The following NBAS variants were observed in gnomAD, a reference collection of about 807,000 sequenced individuals.
NBAS encodes NBAS subunit of NRZ tethering complex.
In NBAS, 219 loss-of-function variants were observed where a neutral mutation model predicts 302.5. That is an observed-to-expected ratio of 0.72 (90% CI 0.65 to 0.81). The LOEUF is 0.81. Among genes scored for constraint, NBAS ranks in the 30% least tolerant of loss-of-function variants. The probability of loss-of-function intolerance (pLI) is 0.00; values close to 1 mark genes in which losing one functional copy is unlikely to be tolerated. For missense variants in NBAS, 2,932 were observed against 2,841.6 expected (o/e 1.03, Z -0.72); for synonymous variants, 1,118 against 1,021.6 (o/e 1.09, Z -1.80).
intron 33 of NBAS, among the ~76,000 whole-genome samples, chr2:15,353,969 A>G (rs1386706744): frequency 6.6e-6 from 1 of 152,212 alleles, no homozygotes; most frequent in Non-Finnish European, 1.5e-5. Context: ...TTAACTGACA[A>G]TAAATGCAAA....
intron 48 of NBAS, among the ~76,000 whole-genome samples, chr2:15,195,105 T>G (rs1665556705): frequency 6.6e-6 from 1 of 152,164 alleles, no homozygotes; most frequent in Non-Finnish European, 1.5e-5. Context: ...TTATAATAGC[T>G]CCAAAGAAAA....
At chr2:14,835,343 G>C in the NBAS span, among the ~76,000 whole-genome samples, 1 of 151,778 alleles carries the variant, frequency 6.6e-6, no homozygotes, top group Non-Finnish European at 1.5e-5. Context: ...CTTCCAGAAA[G>C]GCATATAAAA....
Position 15,302,445 on chromosome 2 carries a change from T to C in NBAS, c.4797+5771A>G, listed in dbSNP as rs373230629. On this transcript the variant is annotated intron_variant, in intron 40 of 51. Coordinates refer to ENST00000281513, the MANE Select transcript of NBAS (RefSeq NM_015909.4). ...GCCCCATGTACTGTACTGGCTTCTG[T>C]TCCCACAGGATTAATGCTGCTTCCT... is the stretch of plus-strand genomic sequence containing the variant. Among the ~76,000 whole-genome samples, 40 of 152,238 alleles carry C rather than the reference T, an allele frequency of 2.6e-4. 1 individual carries two copies. In the South Asian group the frequency reaches 8.3e-3, roughly 32 times the overall value.
the NBAS span, among the ~76,000 whole-genome samples, chr2:15,155,434 A>T: frequency 6.6e-6 from 1 of 152,164 alleles, no homozygotes; most frequent in Non-Finnish European, 1.5e-5. Flanking sequence ...CACTTAAGCA[A>T]AGTGAGAATG....
chr2:15,188,660 T>C (rs1665199616), intron 49 of NBAS, among the ~76,000 whole-genome samples: 1 of 152,232 alleles, frequency 6.6e-6, no homozygotes, highest in Non-Finnish European at 1.5e-5. Context: ...GAATACAACT[T>C]TAAAAATTAA....
chr2:15,271,138 C>A (rs1385649067), intron 44 of NBAS, among the ~76,000 whole-genome samples: 2 of 151,982 alleles, frequency 1.3e-5, no homozygotes, highest in Non-Finnish European at 1.5e-5. Flanking sequence ...TGCCAACAGG[C>A]TGAATAATAG....
chr2:15,339,497 T>C lies in NBAS; in HGVS notation c.4180-8732A>G, dbSNP rs1479613435. ...CTTACTTTCCTCATTTACTCATTCATTCTTCCACAAATATTTATGACACCA... is the reference window on the plus strand; with the variant it reads ...CTTACTTTCCTCATTTACTCATTCACTCTTCCACAAATATTTATGACACCA... On this transcript the variant is annotated intron_variant, in intron 35 of 51. Transcript: ENST00000281513. 2.0e-5 allele frequency among the ~76,000 whole-genome samples: 3 copies of C among 152,352 alleles called. No individual in the cohort carries two copies. In the East Asian group the frequency reaches 5.8e-4, roughly 29 times the overall value.
chr2:14,802,589 C>T, the NBAS span, among the ~76,000 whole-genome samples: 122 of 151,790 alleles, frequency 8.0e-4, no homozygotes, highest in Non-Finnish European at 1.4e-3. Context: ...CACATGCACA[C>T]GTATGTTTAT....
rs146596457 is a variant in NBAS, at chr2:15,210,792, T to C, written c.6432+7981A>G. ...TATACAATGGAGTACTATTCAGCCA[T>C]AAAAAGAATGAGATCCTGAGATCTG... is the stretch of plus-strand genomic sequence containing the variant. On this transcript the variant is annotated intron_variant, in intron 48 of 51. Transcript: ENST00000281513. Among the ~76,000 whole-genome samples the C allele has an allele frequency of 2.4e-3, 370 of 152,202 alleles. 1 individual carries two copies. The highest frequency in any genetic ancestry group is 0.01 in the Middle Eastern group (3 of 294).
Position 15,328,270 on chromosome 2 carries a change from T to C in NBAS, c.4390A>G (p.Asn1464Asp). Residue 1464 changes from asparagine (N) to aspartate (D), a missense_variant, in exon 37 of 52, where the codon AAT (asparagine) becomes GAT (aspartate). By Grantham distance (23) the Asn-to-Asp change is conservative (BLOSUM62 1). Transcript: ENST00000281513. ...CACCCTTGTTTCTCTAGATCTTCAT[T>C]GGCTGTAGTTCCGATTTGATATGCA... Reference protein sequence around the residue: ...GGAYQIGTTANEDLEKQGCHP... With the variant: ...GGAYQIGTTADEDLEKQGCHP... 4 of 1,613,964 alleles carry C rather than the reference T, an allele frequency of 2.5e-6. No individual in the cohort carries two copies. The highest frequency in any genetic ancestry group is 3.4e-6 in the Non-Finnish European group (4 of 1,179,944).
chr2:14,926,036 A>G, the NBAS span, among the ~76,000 whole-genome samples: 1 of 152,210 alleles, frequency 6.6e-6, no homozygotes, highest in Non-Finnish European at 1.5e-5. Context: ...CTCTGGTGGA[A>G]AGGATACGCT....
intron 21 of NBAS, among the ~76,000 whole-genome samples, chr2:15,444,896 A>G (rs1429536437): frequency 6.6e-6 from 1 of 152,024 alleles, no homozygotes. Context: ...CAAAAAACAC[A>G]TGAAAAAATG....
At chr2:15,350,460 G>A (rs995742220) in intron 35 of NBAS, among the ~76,000 whole-genome samples, 3 of 152,042 alleles carry the variant, frequency 2.0e-5, no homozygotes, top group Non-Finnish European at 2.9e-5. Flanking sequence ...GTCAGAAACC[G>A]GGCCACTGTC....
chr2:14,912,703 TAAAAAAAAAAAAAAA>T, the NBAS span, among the ~76,000 whole-genome samples: 684 of 78,592 alleles, frequency 8.7e-3, 8 homozygotes, highest in African/African-American at 0.024. Context: ...CATTCATTTT[TAAAAAAAAAAAAAAA>T]AAAAAAAAAA....
the NBAS span, among the ~76,000 whole-genome samples, chr2:15,023,757 C>T: frequency 6.6e-6 from 1 of 150,506 alleles, no homozygotes; most frequent in South Asian, 2.1e-4. Context: ...TGCTCATTTT[C>T]TTAATGGTTG....
At chr2:15,116,959 T>G in the NBAS span, among the ~76,000 whole-genome samples, 2 of 152,108 alleles carry the variant, frequency 1.3e-5, no homozygotes, top group Non-Finnish European at 2.9e-5. Context: ...CATTTTCTCT[T>G]TCTCTCTCTC....
chr2:14,847,156 G>C, the NBAS span, among the ~76,000 whole-genome samples: 1 of 151,968 alleles, frequency 6.6e-6, no homozygotes, highest in Non-Finnish European at 1.5e-5. Flanking sequence ...GGCCGAGGTG[G>C]GTAGATCACG....
At chr2:15,347,021 G>T (rs182851926) in intron 35 of NBAS, among the ~76,000 whole-genome samples, 3 of 152,110 alleles carry the variant, frequency 2.0e-5, no homozygotes, top group African/African-American at 7.2e-5. Flanking sequence ...GGAGAGGAGA[G>T]GAAACTTAGA....
the NBAS span, among the ~76,000 whole-genome samples, chr2:15,033,752 G>A: frequency 6.6e-6 from 1 of 151,992 alleles, no homozygotes; most frequent in Non-Finnish European, 1.5e-5. Flanking sequence ...CCCAGGACCA[G>A]CCTGGGCAAC....
Sources: gnomAD v4.1 joint callset for allele counts (sites outside exome capture counted in the v4.1 genomes callset) on GRCh38, gnomAD v4.1.1 for gene constraint, MANE v1.5 for transcripts, NCBI Gene and HGNC (gene_info 2026-07-23, HGNC 2026-07-21) for gene names.